The following ZNF780A variants were observed in gnomAD, a reference collection of about 807,000 sequenced individuals.
ZNF780A encodes the protein zinc finger protein 780A.
ZNF780A carries 40 observed loss-of-function variants against 56.7 expected under a neutral mutation model. The observed-to-expected ratio is 0.71, with a 90% confidence interval of 0.55 to 0.92. The LOEUF (loss-of-function observed/expected upper bound fraction) is 0.92. ZNF780A is among the 40% of genes least tolerant of loss of function. ZNF780A has a pLI of 0.00. For synonymous variants in ZNF780A, 231 were observed against 248.3 expected, an observed-to-expected ratio of 0.93 and a Z score of 0.66; for missense variants, 672 against 783.3, an observed-to-expected ratio of 0.86 and a Z score of 1.70.
rs773233638 is a variant in ZNF780A, at chr19:40,083,130, G to T, written c.117C>A (p.Tyr39Ter). 2 of 1,614,218 alleles carry T rather than the reference G, an allele frequency of 1.2e-6. No homozygotes were observed. The highest frequency in any genetic ancestry group is 2.7e-5 in the African/African-American group (2 of 75,038). The change falls in exon 4 of 6, where the codon TAC becomes TAA. Residue 39 changes from tyrosine (Y) to a stop codon, truncating the protein, a stop_gained. Coordinates refer to ENST00000683561, the MANE Select transcript of ZNF780A (RefSeq NM_001142578.2). LOFTEE classifies it high-confidence loss of function. ...CCTTACCCAGTGAGATCAGGTGGCTGTAGTTCTCCAACATCACATCCCTGT... is the reference window on the plus strand; with the variant it reads ...CCTTACCCAGTGAGATCAGGTGGCTTTAGTTCTCCAACATCACATCCCTGT... Reference protein sequence around the residue: ...TLYRDVMLENYSHLISLGSSI... With the variant: ...TLYRDVMLEN
At position 40,074,299 on chromosome 19, in the gene ZNF780A, G is replaced by A; in HGVS notation, c.*217C>T. The A allele has an allele frequency of 4.7e-6, 7 of 1,496,352 alleles. No homozygotes were observed. The highest frequency in any genetic ancestry group is 1.4e-5 in the African/African-American group (1 of 71,520). 92.7% of individuals were successfully genotyped at this position (1,496,352 alleles called of 1,614,324 possible). ...TTTTTACCAGTGTGAATTTGGTAAT[G>A]TTAAATAAGTGGTAATGATATCTAA... On this transcript the variant is annotated 3_prime_UTR_variant, in exon 6 of 6. Transcript: ENST00000683561.
intron 5 of ZNF780A, among the ~76,000 whole-genome samples, chr19:40,078,236 C>A (rs1474156112): frequency 6.6e-6 from 1 of 151,684 alleles, no homozygotes; most frequent in East Asian, 1.9e-4. Flanking sequence ...TTTGAAATAA[C>A]CCAGTCAGAC....
intron 5 of ZNF780A, among the ~76,000 whole-genome samples, chr19:40,081,181 A>G (rs1388751385): frequency 1.3e-5 from 2 of 151,936 alleles, no homozygotes; most frequent in African/African-American, 4.8e-5. Context: ...TTATTTGCAA[A>G]CTATTTCTCT....
chr19:40,069,327 A>C (rs536734474), downstream of ZNF780A: 5 of 152,548 alleles, frequency 3.3e-5, no homozygotes, highest in African/African-American at 1.2e-4. Context: ...GTGAGGGAGG[A>C]GGTGCCAGGT....
downstream of ZNF780A, chr19:40,070,479 G>A (rs1318002969): frequency 6.6e-6 from 1 of 152,070 alleles, no homozygotes; most frequent in Non-Finnish European, 1.5e-5. Context: ...TCATAATAAA[G>A]ACCAAACTGT....
At position 40,073,232 on chromosome 19, in the gene ZNF780A, C is replaced by A; in HGVS notation, c.*1284G>T. On this transcript the variant is annotated 3_prime_UTR_variant, in exon 6 of 6. Coordinates refer to ENST00000683561, the MANE Select transcript of ZNF780A (RefSeq NM_001142578.2). Reference sequence around the variant, plus strand: ...ATGATTGTATATTTGACTATTCTTTCAAAACCCACAACAAGTATCAACTAG... The same window carrying A: ...ATGATTGTATATTTGACTATTCTTTAAAAACCCACAACAAGTATCAACTAG... The A allele has an allele frequency of 3.9e-6, 2 of 512,754 alleles. No homozygotes were observed. The highest frequency in any genetic ancestry group is 5.5e-6 in the Non-Finnish European group (2 of 362,296). The allele number at this position is 512,754 out of a possible 1,614,324, so 31.8% of individuals were successfully genotyped here. A position where few individuals can be genotyped will look rare whatever the true frequency, so the allele number is the denominator to read the frequency against.
intron 5 of ZNF780A, among the ~76,000 whole-genome samples, chr19:40,078,338 G>A (rs1343605493): frequency 1.3e-5 from 2 of 152,042 alleles, no homozygotes; most frequent in Non-Finnish European, 2.9e-5. Context: ...AGGTCCCAGA[G>A]ATGAAGAGAA....
rs762945960 is a variant in ZNF780A, at chr19:40,075,271, A to C, written c.1171T>G (p.Cys391Gly). The stretch of plus-strand genomic sequence containing the variant: ...TTAAAGGACTTCCCACATTCCTTAC[A>C]TTCAAACGGTTTTTCACCTGTGTGA... ...NIHTGEKPFE[C>G]KECGKSFNRS... Residue 391 changes from cysteine (C) to glycine (G), a missense_variant, in exon 6 of 6, where the codon TGT becomes GGT. Coordinates refer to ENST00000683561, the MANE Select transcript of ZNF780A (RefSeq NM_001142578.2). 9 of 1,613,928 alleles carry C rather than the reference A, an allele frequency of 5.6e-6. No homozygotes were observed. The South Asian group carries it at 8.8e-5, about 16-fold the overall frequency.
chr19:40,079,578 C>T (rs1191061742), intron 5 of ZNF780A, among the ~76,000 whole-genome samples: 2 of 152,098 alleles, frequency 1.3e-5, no homozygotes, highest in African/African-American at 4.8e-5. Flanking sequence ...CTAGGATAGA[C>T]CATATGTTAG....
rs754349977 is a variant in ZNF780A, at chr19:40,075,570, T to A, written c.872A>T (p.His291Leu). 6.2e-7 allele frequency: 1 copy of A among 1,613,840 alleles called. No homozygotes were observed. Among genetic ancestry groups the A allele is most frequent in the South Asian group, 1.1e-5 (1 of 91,060 alleles). The change falls in exon 6 of 6, where the codon CAC becomes CTC. Residue 291 changes from histidine (H) to leucine (L), a missense_variant. Transcript: ENST00000683561. Reference sequence around the variant, plus strand: ...ATGAATTTTCTGATGCTGAATAAGGTGTGCACCACGATTAAAGCCTTTCCC... The same window carrying A: ...ATGAATTTTCTGATGCTGAATAAGGAGTGCACCACGATTAAAGCCTTTCCC... ...ECGKGFNRGA[H>L]LIQHQKIHSN...
Position 40,075,972 on chromosome 19 carries a change from AG to A in ZNF780A, c.469del (p.Ile158PhefsTer117). On this transcript the variant is annotated frameshift_variant, in exon 6 of 6. Transcript: ENST00000683561. LOFTEE classifies it high-confidence loss of function. Reference protein sequence around the residue: ...KLPTHTPHASLICNTHKPYEC... With the variant: ...KLPTHTPHASXICNTHKPYEC... Reference sequence around the variant, plus strand: ...ATACGGTTTATGTGTATTGCAAATAAGAGAAGCATGAGGAGTATGAGTAGGC... The same window carrying A: ...ATACGGTTTATGTGTATTGCAAATAAAGAAGCATGAGGAGTATGAGTAGGC... 1 of 1,613,344 alleles carries A rather than the reference AG, an allele frequency of 6.2e-7. No homozygotes were observed. Among genetic ancestry groups the A allele is most frequent in the Non-Finnish European group, 8.5e-7 (1 of 1,179,738 alleles).
intron 2 of ZNF780A, among the ~76,000 whole-genome samples, chr19:40,088,327 C>T (rs1393035616): frequency 1.3e-5 from 2 of 151,682 alleles, no homozygotes; most frequent in African/African-American, 4.9e-5. Context: ...CAAAAAAAAA[C>T]CTGATTAAAA....
rs766920714 is a variant in ZNF780A at position 40,074,757 on chromosome 19, C to T, written c.1685G>A (p.Cys562Tyr). 1.9e-6 allele frequency: 3 copies of T among 1,614,190 alleles called. No individual in the cohort carries two copies. The highest frequency in any genetic ancestry group is 2.5e-6 in the Non-Finnish European group (3 of 1,180,030). ...CATATGAAGTCGAAAGGCTTTCCCA[C>T]ATTCCTTACATTCAAAGGGTTTCTT... ...TGKKPFECKE[C>Y]GKAFRLHMHL... The change falls in exon 6 of 6, where the codon TGT becomes TAT. Residue 562 changes from cysteine (C) to tyrosine (Y), a missense_variant. Coordinates refer to ENST00000683561, the MANE Select transcript of ZNF780A (RefSeq NM_001142578.2).
chr19:40,072,668 A>AAG, downstream of ZNF780A: 2 of 1,007,478 alleles, frequency 2.0e-6, no homozygotes, highest in Non-Finnish European at 2.6e-6. Context: ...AAAAAAAAAA[A>AAG]AAGAAGAATG....
chr19:40,077,221 C>T (rs1383794424), intron 5 of ZNF780A, among the ~76,000 whole-genome samples: 3 of 152,066 alleles, frequency 2.0e-5, no homozygotes, highest in East Asian at 1.9e-4. Context: ...CGTGCTAGGC[C>T]ATTCTTGCAT....
rs542484143 is a variant in ZNF780A at position 40,078,682 on chromosome 19, A to G, written c.233-2473T>C. Among the ~76,000 whole-genome samples, 6 of 152,304 alleles carry G rather than the reference A, an allele frequency of 3.9e-5. No homozygotes were observed. In the East Asian group the frequency reaches 5.8e-4, roughly 15 times the overall value. On this transcript the variant is annotated intron_variant, in intron 5 of 5. Coordinates refer to ENST00000683561, the MANE Select transcript of ZNF780A (RefSeq NM_001142578.2). ...CTTGCCAGTCAAGGATACTATCCTC[A>G]GCAAATTATAAAACATAAATGAAGA...
chr19:40,081,957 A>T lies in ZNF780A; in HGVS notation c.137-43T>A, dbSNP rs1259944312. Reference sequence around the variant, plus strand: ...CACATGTAGAATTTTTTTAATACAGATTTTTTTTTTTCAAATCTTTGTGAC... The same window carrying T: ...CACATGTAGAATTTTTTTAATACAGTTTTTTTTTTTTCAAATCTTTGTGAC... On this transcript the variant is annotated intron_variant, in intron 4 of 5. Transcript: ENST00000683561. 5 of 1,265,418 alleles carry T rather than the reference A, an allele frequency of 4.0e-6. No individual in the cohort carries two copies. The Middle Eastern group carries it at 1.0e-3, about 252-fold the overall frequency. 78.4% of individuals were successfully genotyped at this position (1,265,418 alleles called of 1,614,324 possible). A position where few individuals can be genotyped will look rare whatever the true frequency, so the allele number is the denominator to read the frequency against.
chr19:40,073,811 C>G lies in ZNF780A; in HGVS notation c.*705G>C. On this transcript the variant is annotated 3_prime_UTR_variant, in exon 6 of 6. Transcript: ENST00000683561. ...GCTCTCTGGTGTTGAGTAAATTTTT[C>G]GTACACAGTGAAGGCTTGTCCACAC... The G allele has an allele frequency of 1.0e-6, 1 of 988,518 alleles. No homozygotes were observed. Among genetic ancestry groups the G allele is most frequent in the Non-Finnish European group, 1.2e-6 (1 of 831,924 alleles). 61.2% of individuals were successfully genotyped at this position (988,518 alleles called of 1,614,324 possible). A position where few individuals can be genotyped will look rare whatever the true frequency, so the allele number is the denominator to read the frequency against.
chr19:40,074,124 C>G lies in ZNF780A; in HGVS notation c.*392G>C. 1 of 1,308,656 alleles carries G rather than the reference C, an allele frequency of 7.6e-7. No homozygotes were observed. Among genetic ancestry groups the G allele is most frequent in the Non-Finnish European group, 9.9e-7 (1 of 1,006,410 alleles). The allele number at this position is 1,308,656 out of a possible 1,614,324, so 81.1% of individuals were successfully genotyped here. ...ATAGAGTTTCTCACCAGTATGAATA[C>G]TCTGATGTTGAACAAGGTTTGAGCC... is the stretch of plus-strand genomic sequence containing the variant. On this transcript the variant is annotated 3_prime_UTR_variant, in exon 6 of 6. Coordinates refer to ENST00000683561, the MANE Select transcript of ZNF780A (RefSeq NM_001142578.2).
Sources: gnomAD v4.1 joint callset for allele counts (sites outside exome capture counted in the v4.1 genomes callset) on GRCh38, gnomAD v4.1.1 for gene constraint, MANE v1.5 for transcripts, NCBI Gene and HGNC (gene_info 2026-07-23, HGNC 2026-07-21) for gene names.